The following TOLLIP variants were observed in gnomAD, a reference collection of about 807,000 sequenced individuals.
TOLLIP encodes toll-interacting protein.
In TOLLIP, 16 loss-of-function variants were observed where a neutral mutation model predicts 33.5. The observed-to-expected ratio is 0.48, with a 90% CI of 0.32 to 0.72. TOLLIP has a LOEUF of 0.72. TOLLIP is among the 30% of genes least tolerant of loss of function. TOLLIP has a pLI of 0.03. For missense variants in TOLLIP, 325 were observed against 396.6 expected, an observed-to-expected ratio of 0.82 and a Z score of 1.53; for synonymous variants, 176 against 163.7, an observed-to-expected ratio of 1.07 and a Z score of -0.57.
chr11:1,285,912 C>T (rs965235696), intron 5 of TOLLIP, 90 bp downstream of exon 5: 20 of 938,106 alleles, frequency 2.1e-5, no homozygotes, highest in Non-Finnish European at 2.7e-5. Flanking sequence ...CCCACCCCGG[C>T]GCTCTAAGCC....
intron 5 of TOLLIP, among the ~76,000 whole-genome samples, chr11:1,280,322 G>A (rs889351336): frequency 9.2e-5 from 14 of 152,208 alleles, no homozygotes; most frequent in African/African-American, 2.9e-4. Flanking sequence ...TGGTGCCACC[G>A]CGTGCACGTT....
Position 1,309,518 on chromosome 11 carries a change from T to A in TOLLIP, c.-20A>T, listed in dbSNP as rs1864531079. The A allele has an allele frequency of 3.9e-6, 5 of 1,291,558 alleles. No homozygotes were observed. The highest frequency in any genetic ancestry group is 4.9e-6 in the Non-Finnish European group (5 of 1,012,162). The allele number at this position is 1,291,558 out of a possible 1,614,324, so 80.0% of individuals were successfully genotyped here. ...CGCCATGGTGCTGCGGCGGCCCCCGTGGCTCGCCGACCCGACAGTGACGCG... is the reference window on the plus strand; with the variant it reads ...CGCCATGGTGCTGCGGCGGCCCCCGAGGCTCGCCGACCCGACAGTGACGCG... On this transcript the variant is annotated 5_prime_UTR_variant, in exon 1 of 6. Coordinates refer to ENST00000317204, the MANE Select transcript of TOLLIP (RefSeq NM_019009.4).
intron 5 of TOLLIP, among the ~76,000 whole-genome samples, chr11:1,285,417 C>G (rs936490431): frequency 6.6e-5 from 10 of 152,264 alleles, no homozygotes; most frequent in Non-Finnish European, 1.5e-4. Context: ...GCACCAGCAG[C>G]TACCACAGTC....
chr11:1,304,938 T>G (rs1174003384), intron 1 of TOLLIP, among the ~76,000 whole-genome samples: 1 of 152,250 alleles, frequency 6.6e-6, no homozygotes, highest in East Asian at 1.9e-4. Flanking sequence ...TTAGTCTTCT[T>G]AGATTTGACT....
chr11:1,286,277 C>T (rs146156644), intron 4 of TOLLIP, among the ~76,000 whole-genome samples, 185 bp from the exon 5 acceptor site: 1 of 152,350 alleles, frequency 6.6e-6, no homozygotes, highest in African/African-American at 2.4e-5. Flanking sequence ...CTGCTCCCAC[C>T]CCTGCACCAC....
intron 5 of TOLLIP, among the ~76,000 whole-genome samples, chr11:1,281,572 G>A (rs1032578866): frequency 1.3e-5 from 2 of 152,168 alleles, no homozygotes; most frequent in Admixed American, 6.5e-5. Context: ...ATCAGCAGGC[G>A]ACAGCTGAAT....
intron 2 of TOLLIP, among the ~76,000 whole-genome samples, chr11:1,293,686 G>T (rs1362619594): frequency 6.6e-6 from 1 of 152,244 alleles, no homozygotes; most frequent in Non-Finnish European, 1.5e-5. Flanking sequence ...GACCAAGGGG[G>T]GCCAGAGGCG....
At position 1,276,662 on chromosome 11, in the gene TOLLIP, T is replaced by C; in HGVS notation, c.*377A>G. On this transcript the variant is annotated 3_prime_UTR_variant, in exon 6 of 6. Coordinates refer to ENST00000317204, the MANE Select transcript of TOLLIP (RefSeq NM_019009.4). ...AATCAACAGCTCTATTCCAATTACA[T>C]CACATCACAAAATGCCATGAATGGA... 6.0e-6 allele frequency: 8 copies of C among 1,339,372 alleles called. No homozygotes were observed. The highest frequency in any genetic ancestry group is 7.8e-6 in the Non-Finnish European group (8 of 1,021,754). The allele number at this position is 1,339,372 out of a possible 1,614,324, so 83.0% of individuals were successfully genotyped here.
chr11:1,288,126 G>A (rs940371119), intron 4 of TOLLIP, among the ~76,000 whole-genome samples: 1 of 152,140 alleles, frequency 6.6e-6, no homozygotes, highest in African/African-American at 2.4e-5. Context: ...CCACAGCCAG[G>A]CCTCGACTTC....
At chr11:1,307,411 C>T (rs770173867) in intron 1 of TOLLIP, among the ~76,000 whole-genome samples, 12 of 152,244 alleles carry the variant, frequency 7.9e-5, no homozygotes, top group African/African-American at 2.4e-4. Context: ...TTCCTCATCG[C>T]GGGTGTAACA....
chr11:1,279,950 C>T (rs1253131850), intron 5 of TOLLIP, among the ~76,000 whole-genome samples: 1 of 152,214 alleles, frequency 6.6e-6, no homozygotes, highest in African/African-American at 2.4e-5. Flanking sequence ...TGGGGACGAC[C>T]GTCCAGCTCA....
chr11:1,289,861 C>T (rs1863876192), intron 3 of TOLLIP, among the ~76,000 whole-genome samples: 2 of 148,514 alleles, frequency 1.3e-5, no homozygotes, highest in Non-Finnish European at 3.0e-5. Context: ...ATCCCACCTG[C>T]TGGTGAGCGG....
At chr11:1,288,482 C>G in intron 4 of TOLLIP, 142 bp downstream of exon 4, 1 of 1,060,506 alleles carries the variant, frequency 9.4e-7, no homozygotes, top group Non-Finnish European at 1.3e-6. Flanking sequence ...GGCCCCTGCC[C>G]TCTGTCCTCA....
At chr11:1,286,925 A>G (rs1246573947) in intron 4 of TOLLIP, among the ~76,000 whole-genome samples, 3 of 152,126 alleles carry the variant, frequency 2.0e-5, no homozygotes, top group African/African-American at 7.2e-5. Context: ...CGGATAAGTC[A>G]CTGCACTGCT....
intron 1 of TOLLIP, among the ~76,000 whole-genome samples, chr11:1,299,172 C>T (rs1864195667): frequency 1.3e-5 from 2 of 152,200 alleles, no homozygotes; most frequent in Non-Finnish European, 2.9e-5. Flanking sequence ...TAAGACTGAA[C>T]ACTACAAAAT....
At chr11:1,304,486 T>G (rs1033212124) in intron 1 of TOLLIP, among the ~76,000 whole-genome samples, 1 of 152,218 alleles carries the variant, frequency 6.6e-6, no homozygotes, top group African/African-American at 2.4e-5. Flanking sequence ...AACACATTCC[T>G]GCGGGAGCCC....
Position 1,290,128 on chromosome 11 carries a change from G to A in TOLLIP, c.366+99C>T, listed in dbSNP as rs559380216. The A allele has an allele frequency of 8.9e-5, 119 of 1,333,466 alleles. No homozygotes were observed. In the African/African-American group the frequency reaches 1.3e-3, roughly 15 times the overall value. 82.6% of individuals were successfully genotyped at this position (1,333,466 alleles called of 1,614,324 possible). On this transcript the variant is annotated intron_variant, in intron 3 of 5. Coordinates refer to ENST00000317204, the MANE Select transcript of TOLLIP (RefSeq NM_019009.4). This position sits in a 1 kb window ranked among gnomAD's most constrained non-coding sequence, Gnocchi z 4.9. The stretch of plus-strand genomic sequence containing the variant: ...AACACCAGGTGGGGAGCCACGCCTC[G>A]AAGCCAGCCAGGAACGTGGCTGTGT...
rs186749964 is a variant in TOLLIP at position 1,275,094 on chromosome 11, G to A, written c.*1945C>T. 2.0e-5 allele frequency: 3 copies of A among 152,378 alleles called. No individual in the cohort carries two copies. The highest frequency in any genetic ancestry group is 4.8e-5 in the African/African-American group (2 of 41,596). 9.4% of individuals were successfully genotyped at this position (152,378 alleles called of 1,614,324 possible). A position where few individuals can be genotyped will look rare whatever the true frequency, so the allele number is the denominator to read the frequency against. ...AGAAAACTAAGAGATGGCGGCAAGC[G>A]TGGTCATCGGCAAAGGGTTGCTCTC... is the stretch of plus-strand genomic sequence containing the variant. On this transcript the variant is annotated 3_prime_UTR_variant, in exon 6 of 6. Coordinates refer to ENST00000317204, the MANE Select transcript of TOLLIP (RefSeq NM_019009.4).
In TOLLIP at chr11:1,278,236, TC is replaced by T. The variant is rs1863375768; in HGVS notation, c.611-984del. Among the ~76,000 whole-genome samples, 1 of 151,300 alleles carries T rather than the reference TC, an allele frequency of 6.6e-6. No individual in the cohort carries two copies. Among genetic ancestry groups the T allele is most frequent in the South Asian group, 2.1e-4 (1 of 4,774 alleles). ...AGAGCACAGGCAGCGTGCGCGGGGC[TC>T]GGCGACCAGCGAGGCACAGAGCTCC... is the stretch of plus-strand genomic sequence containing the variant. On this transcript the variant is annotated intron_variant, in intron 5 of 5. Transcript: ENST00000317204. This position sits in a 1 kb window ranked among gnomAD's most constrained non-coding sequence, Gnocchi z 4.7.
Sources: allele counts gnomAD v4.1 joint callset (sites outside exome capture counted in the v4.1 genomes callset), GRCh38; gene constraint gnomAD v4.1.1; non-coding constraint Gnocchi (gnomAD v3.1); transcripts MANE v1.5; gene names NCBI Gene and HGNC (gene_info 2026-07-23, HGNC 2026-07-21).